The following MAST2 variants were observed in gnomAD, a reference collection of about 807,000 sequenced individuals.
The protein encoded by MAST2 is microtubule associated serine/threonine kinase 2.
MAST2 carries 70 observed loss-of-function variants against 147.4 expected under a neutral mutation model. That is an observed-to-expected ratio of 0.47 (90% CI 0.39 to 0.58). The LOEUF (loss-of-function observed/expected upper bound fraction) is 0.58, where lower values mean the gene tolerates loss of function less well. Among genes scored for constraint, MAST2 ranks in the 20% least tolerant of loss-of-function variants. The probability of loss-of-function intolerance (pLI) is 0.00; values close to 1 mark genes in which losing one functional copy is unlikely to be tolerated. For missense variants in MAST2, 2,080 were observed against 2,302.3 expected, an observed-to-expected ratio of 0.90 and a Z score of 1.98; for synonymous variants, 869 against 896.8, an observed-to-expected ratio of 0.97 and a Z score of 0.55.
At chr1:45,949,202 G>A (rs1408825781) in intron 4 of MAST2, among the ~76,000 whole-genome samples, 3 of 152,036 alleles carry the variant, frequency 2.0e-5, no homozygotes, top group Admixed American at 6.6e-5. Context: ...AAAAGCGATT[G>A]CAACAAAAGC....
intron 5 of MAST2, among the ~76,000 whole-genome samples, chr1:45,962,598 G>A (rs539026068): frequency 2.6e-5 from 4 of 152,196 alleles, no homozygotes; most frequent in Non-Finnish European, 4.4e-5. Context: ...CATATCCTTC[G>A]CCCACTTTGT....
chr1:46,031,450 A>C lies in MAST2; in HGVS notation c.3052A>C (p.Ile1018Leu). The C allele has an allele frequency of 1.2e-6, 2 of 1,614,144 alleles. No homozygotes were observed. The highest frequency in any genetic ancestry group is 1.7e-6 in the Non-Finnish European group (2 of 1,180,026). Residue 1018 changes from isoleucine (I) to leucine (L), a missense_variant, in exon 24 of 29, where the codon ATC (isoleucine) becomes CTC (leucine). Physicochemically the swap from Ile to Leu is conservative, Grantham distance 5. Around this residue, in one of 4 missense-constraint regions of MAST2, gnomAD observed 1,278 missense variants for 1,304.2 expected, o/e 0.98. Transcript: ENST00000361297. The surrounding 1 kb of genome is among the most constrained non-coding windows in gnomAD (Gnocchi z 4.1). ...QLAEGATAKA[I>L]SDLAVRRARH... ...GGCTGAGGGAGCCACAGCCAAGGCCATCAGTGACCTGGCTGTGCGTAGGGC... is the reference window on the plus strand; with the variant it reads ...GGCTGAGGGAGCCACAGCCAAGGCCCTCAGTGACCTGGCTGTGCGTAGGGC...
At chr1:45,839,070 CTCCAGTGA>C (rs2147890514) in intron 3 of MAST2, among the ~76,000 whole-genome samples, 1 of 150,872 alleles carries the variant, frequency 6.6e-6, no homozygotes, top group East Asian at 1.9e-4. Flanking sequence ...GCCTCCTGGG[CTCCAGTGA>C]TCCTCCCATG....
At position 46,031,569 on chromosome 1, in the gene MAST2, A is replaced by G; in HGVS notation, c.3171A>G (p.Ser1057=). The G allele has an allele frequency of 6.2e-7, 1 of 1,612,428 alleles. No homozygotes were observed. The highest frequency in any genetic ancestry group is 1.3e-5 in the African/African-American group (1 of 74,856). Residue 1057 remains serine (S), a synonymous_variant, in exon 24 of 29, where the codon TCA becomes TCG. Coordinates refer to ENST00000361297, the MANE Select transcript of MAST2 (RefSeq NM_015112.3). This position sits in a 1 kb window ranked among gnomAD's most constrained non-coding sequence, Gnocchi z 4.1. ...VIKSASATAL[S]LLIPSEHHTC... is the part of the protein sequence containing the mutation. ...AGTCCGCCTCAGCCACAGCCCTCTC[A>G]CTCCTCATTCCTTCGGGTGAGGCCC... is the stretch of plus-strand genomic sequence containing the variant.
At chr1:45,963,838 T>G (rs75840714) in intron 5 of MAST2, among the ~76,000 whole-genome samples, 42,690 of 152,118 alleles carry the variant, frequency 0.28, 6,168 homozygotes, top group South Asian at 0.39. Context: ...CTGTCTTGTG[T>G]CAGTTTTCAA....
chr1:45,980,258 G>GA (rs1028021891), intron 5 of MAST2, among the ~76,000 whole-genome samples: 1 of 124,124 alleles, frequency 8.1e-6, no homozygotes, highest in African/African-American at 3.2e-5. Context: ...CTGGGCAACA[G>GA]AGTGAGACTG....
chr1:46,002,771 G>A (rs764081973), intron 6 of MAST2, 34 bp from the exon 7 acceptor site: 2 of 1,603,824 alleles, frequency 1.2e-6, no homozygotes, highest in Non-Finnish European at 1.7e-6. Flanking sequence ...GTGTAGTCCT[G>A]CAGAAACTGC....
intron 4 of MAST2, among the ~76,000 whole-genome samples, chr1:45,950,069 G>A (rs1024389816): frequency 6.6e-6 from 1 of 152,108 alleles, no homozygotes; most frequent in Admixed American, 6.6e-5. Context: ...GTCTACTTGG[G>A]GGTGGAGAGA....
At chr1:45,880,197 A>C (rs926242462) in intron 3 of MAST2, among the ~76,000 whole-genome samples, 1 of 152,204 alleles carries the variant, frequency 6.6e-6, no homozygotes, top group Admixed American at 6.5e-5. Context: ...AATTGGAGAA[A>C]CGATAAATTA....
chr1:46,023,097 G>A lies in MAST2; in HGVS notation c.1485+126G>A, dbSNP rs1265434559. 8.4e-7 allele frequency: 1 copy of A among 1,183,724 alleles called. No homozygotes were observed. The highest frequency in any genetic ancestry group is 1.5e-5 in the African/African-American group (1 of 65,966). 73.3% of individuals were successfully genotyped at this position (1,183,724 alleles called of 1,614,324 possible). ...AGTTGGTGACAGCAAACACTGAGAA[G>A]TCATTCTACTCCCAGAAGAATGAGC... On this transcript the variant is annotated intron_variant, in intron 13 of 28. Coordinates refer to ENST00000361297, the MANE Select transcript of MAST2 (RefSeq NM_015112.3). The surrounding 1 kb of genome is among the most constrained non-coding windows in gnomAD (Gnocchi z 4.9).
Position 46,022,088 on chromosome 1 carries a change from C to T in MAST2, c.1423+6C>T, listed in dbSNP as rs1298715047. The T allele has an allele frequency of 6.2e-7, 1 of 1,613,764 alleles. No homozygotes were observed. The highest frequency in any genetic ancestry group is 8.5e-7 in the Non-Finnish European group (1 of 1,179,874). ...CACCCGGGATCCCCTAGAAGGTGAG[C>T]ATGCTGCCTAGTGGCTGCAAAGAGG... is the stretch of plus-strand genomic sequence containing the variant. On this transcript the variant is annotated splice_donor_region_variant and intron_variant, in intron 12 of 28. Coordinates refer to ENST00000361297, the MANE Select transcript of MAST2 (RefSeq NM_015112.3).
intron 4 of MAST2, among the ~76,000 whole-genome samples, chr1:45,919,594 G>A (rs1653118272): frequency 6.6e-6 from 1 of 152,302 alleles, no homozygotes; most frequent in South Asian, 2.1e-4. Flanking sequence ...CAATGTTAGA[G>A]GCTAACTTCT....
intron 4 of MAST2, among the ~76,000 whole-genome samples, chr1:45,938,239 A>C (rs905361493): frequency 6.6e-6 from 1 of 152,212 alleles, no homozygotes; most frequent in Non-Finnish European, 1.5e-5. Context: ...GGTGCTGTGT[A>C]CATTTCCATG....
chr1:45,905,024 TG>T (rs1236329713), intron 4 of MAST2, among the ~76,000 whole-genome samples: 1 of 152,110 alleles, frequency 6.6e-6, no homozygotes, highest in Non-Finnish European at 1.5e-5. Flanking sequence ...TTGCTCATCT[TG>T]GTCTCATACT....
At chr1:45,998,124 C>A (rs955051080) in intron 6 of MAST2, among the ~76,000 whole-genome samples, 1 of 152,084 alleles carries the variant, frequency 6.6e-6, no homozygotes. Context: ...ATTATACTCT[C>A]AATTTAGAAC....
At chr1:46,020,462 C>T (rs1048779789) in intron 11 of MAST2, among the ~76,000 whole-genome samples, 4 of 152,088 alleles carry the variant, frequency 2.6e-5, no homozygotes, top group Non-Finnish European at 4.4e-5. Flanking sequence ...ATTACCCTTA[C>T]GGCCACTTGG....
intron 15 of MAST2, 70 bp from the exon 16 acceptor site, chr1:46,025,597 TCAGAAACTGC>T: frequency 6.4e-7 from 1 of 1,574,294 alleles, no homozygotes; most frequent in South Asian, 1.1e-5. Flanking sequence ...CTCTGGGACC[TCAGAAACTGC>T]CAGATGGGAG....
At chr1:45,838,155 C>T (rs1471062374) in intron 3 of MAST2, among the ~76,000 whole-genome samples, 1 of 149,850 alleles carries the variant, frequency 6.7e-6, no homozygotes, top group African/African-American at 2.5e-5. Flanking sequence ...ATTTGCATTT[C>T]TCTAATGACT....
intron 3 of MAST2, among the ~76,000 whole-genome samples, chr1:45,881,584 C>T (rs1210007311): frequency 6.6e-6 from 1 of 152,112 alleles, no homozygotes; most frequent in Non-Finnish European, 1.5e-5. Flanking sequence ...ATTTCTTATG[C>T]CAGTGGTGTG....
Sources: allele counts gnomAD v4.1 joint callset (sites outside exome capture counted in the v4.1 genomes callset), GRCh38; gene constraint gnomAD v4.1.1; regional missense constraint gnomAD v4.1.1; non-coding constraint Gnocchi (gnomAD v3.1); transcripts MANE v1.5; gene names NCBI Gene and HGNC (gene_info 2026-07-23, HGNC 2026-07-21).